U2AF2: variants seen among roughly 807,000 people sequenced by gnomAD.
U2AF2 encodes the protein U2 small nuclear RNA auxiliary factor 2.
Under a neutral mutation model 52.6 loss-of-function variants are expected in U2AF2, and 6 were observed. The observed-to-expected ratio is 0.11, with a 90% CI of 0.06 to 0.23. The LOEUF is 0.23. U2AF2 is among the 10% of genes least tolerant of loss of function. U2AF2 has a pLI of 1.00. For synonymous variants in U2AF2, 284 were observed against 258.2 expected (o/e 1.10, Z -0.96); for missense variants, 222 against 677.1 (o/e 0.33, Z 7.46).
At chr19:55,655,778 G>A (rs1165712027) in intron 1 of U2AF2, among the ~76,000 whole-genome samples, 2 of 152,198 alleles carry the variant, frequency 1.3e-5, no homozygotes, top group Admixed American at 1.3e-4. Context: ...TTGGTAGTGG[G>A]GCGCCTCATA....
At chr19:55,672,334 C>T (rs1049760616) in intron 11 of U2AF2, among the ~76,000 whole-genome samples, 5 of 152,056 alleles carry the variant, frequency 3.3e-5, no homozygotes, top group Non-Finnish European at 7.4e-5. Context: ...GCTTATTTCT[C>T]CCCCCTCCTT....
In U2AF2 at chr19:55,659,029, C is replaced by T. The variant is rs893351578; in HGVS notation, c.50-181C>T. 5 of 1,005,636 alleles carry T rather than the reference C, an allele frequency of 5.0e-6. No individual in the cohort carries two copies. The African/African-American group carries it at 6.7e-5, about 14-fold the overall frequency. The allele number at this position is 1,005,636 out of a possible 1,614,324, so 62.3% of individuals were successfully genotyped here. A position where few individuals can be genotyped will look rare whatever the true frequency, so the allele number is the denominator to read the frequency against. ...TTCCAGGCCCCGTCCCCCTGGTCCC[C>T]TCATGGTCCCTGGACTCGCTTGTGG... On this transcript the variant is annotated intron_variant, in intron 1 of 11. Transcript: ENST00000308924.
Position 55,659,257 on chromosome 19 carries a change from C to T in U2AF2, c.97C>T (p.Arg33Trp), listed in dbSNP as rs1463818824. 2 of 1,603,322 alleles carry T rather than the reference C, an allele frequency of 1.2e-6. No homozygotes were observed. Among genetic ancestry groups the T allele is most frequent in the South Asian group, 1.1e-5 (1 of 90,186 alleles). ...RHRKRSHSRS[R>W]SRDRKRRSRS... is the part of the protein sequence containing the mutation. ...TCGGAAGCGCAGCCACAGCCGCTCT[C>T]GGAGCCGGGACCGCAAACGCCGGAG... Residue 33 changes from arginine to tryptophan, a missense_variant, in exon 2 of 12, where the codon CGG becomes TGG. Around this residue, in one of 4 missense-constraint regions of U2AF2, gnomAD observed 100 missense variants for 144.1 expected, o/e 0.69. Coordinates refer to ENST00000308924, the MANE Select transcript of U2AF2 (RefSeq NM_007279.3).
Position 55,663,771 on chromosome 19 carries a change from C to CT in U2AF2, c.742+30dup, listed in dbSNP as rs1568551707. 1.9e-6 allele frequency: 3 copies of CT among 1,613,446 alleles called. No individual in the cohort carries two copies. The South Asian group carries it at 3.3e-5, about 18-fold the overall frequency. ...TGAGTGGGGGATCCATTAAGGGCCC[C>CT]TTTCTCCCCCAGTCCTGTTCCCATG... On this transcript the variant is annotated intron_variant, in intron 7 of 11. Coordinates refer to ENST00000308924, the MANE Select transcript of U2AF2 (RefSeq NM_007279.3).
intron 11 of U2AF2, among the ~76,000 whole-genome samples, chr19:55,670,449 C>CCTGTGCACCCTGCTGT (rs1568555210): frequency 8.8e-5 from 1 of 11,368 alleles, no homozygotes. Context: ...ACCCTGCTGT[C>CCTGTGCACCCTGCTGT]CCGTGCACCC....
intron 1 of U2AF2, among the ~76,000 whole-genome samples, chr19:55,655,556 C>G (rs1983733259): frequency 6.6e-6 from 1 of 152,276 alleles, no homozygotes; most frequent in African/African-American, 2.4e-5. Context: ...ACTTCCGCTT[C>G]CGGTCGGGCC....
intron 7 of U2AF2, among the ~76,000 whole-genome samples, chr19:55,665,281 C>T (rs921421595): frequency 3.3e-5 from 5 of 151,608 alleles, no homozygotes; most frequent in African/African-American, 7.3e-5. Context: ...GGCAGTTCTA[C>T]GACACAGGGA....
intron 6 of U2AF2, 59 bp from the exon 7 acceptor site, chr19:55,663,547 C>G: frequency 6.4e-7 from 1 of 1,569,174 alleles, no homozygotes; most frequent in Non-Finnish European, 8.7e-7. Flanking sequence ...TCCTGGAACA[C>G]TAGGGGCTGT....
In U2AF2 at chr19:55,668,837, C is replaced by A; in HGVS notation, c.945+45C>A. Reference sequence around the variant, plus strand: ...CCGCTGCCGCGTCTGTCCTTCCCTGCCCTGCGCTGTTGCCAAGCCATGGTC... The same window carrying A: ...CCGCTGCCGCGTCTGTCCTTCCCTGACCTGCGCTGTTGCCAAGCCATGGTC... On this transcript the variant is annotated intron_variant, in intron 9 of 11. Transcript: ENST00000308924. This position sits in a 1 kb window ranked among gnomAD's most constrained non-coding sequence, Gnocchi z 5.5. The A allele has an allele frequency of 6.3e-7, 1 of 1,583,914 alleles. No homozygotes were observed. The highest frequency in any genetic ancestry group is 1.1e-5 in the South Asian group (1 of 88,840).
At chr19:55,660,057 G>A in intron 2 of U2AF2, 120 bp from the exon 3 acceptor site, 1 of 836,412 alleles carries the variant, frequency 1.2e-6, no homozygotes, top group Non-Finnish European at 1.8e-6. Flanking sequence ...CCTGCTTGCT[G>A]CTTGTTGACC....
intron 1 of U2AF2, among the ~76,000 whole-genome samples, chr19:55,656,565 A>G (rs1043388878): frequency 1.3e-5 from 2 of 152,222 alleles, no homozygotes; most frequent in Non-Finnish European, 2.9e-5. Flanking sequence ...AAAGGATGAT[A>G]GTAACGATAG....
At position 55,663,725 on chromosome 19, in the gene U2AF2, C is replaced by T. The variant is rs781003609; in HGVS notation, c.723C>T (p.Asn241=). The part of the protein sequence containing the change: ...DYQPLPGMSE[N]PSVYVPGVVS... Reference sequence around the variant, plus strand: ...AGCCGCTTCCTGGCATGTCAGAGAACCCCTCCGTCTATGTGCCTGGTGAGT... The same window carrying T: ...AGCCGCTTCCTGGCATGTCAGAGAATCCCTCCGTCTATGTGCCTGGTGAGT... The change falls in exon 7 of 12, where the codon AAC becomes AAT. Residue 241 remains asparagine (N), a synonymous_variant. Coordinates refer to ENST00000308924, the MANE Select transcript of U2AF2 (RefSeq NM_007279.3). 25 of 1,614,166 alleles carry T rather than the reference C, an allele frequency of 1.5e-5. No homozygotes were observed. The highest frequency in any genetic ancestry group is 1.2e-4 in the South Asian group (11 of 91,086).
rs879204436 is a variant in U2AF2 at position 55,660,710 on chromosome 19, G to T, written c.334+91G>T. 18 of 1,272,032 alleles carry T rather than the reference G, an allele frequency of 1.4e-5. No individual in the cohort carries two copies. In the East Asian group the frequency reaches 3.5e-4, roughly 25 times the overall value. 78.8% of individuals were successfully genotyped at this position (1,272,032 alleles called of 1,614,324 possible). ...TTCCCCTGCGTGTGTGCTTGGAGGG[G>T]GTCAAAGACACAGGTAGAGGGTTGC... On this transcript the variant is annotated intron_variant, in intron 4 of 11. Transcript: ENST00000308924.
At chr19:55,662,095 G>T in intron 5 of U2AF2, 1 of 168,202 alleles carries the variant, frequency 5.9e-6, no homozygotes, top group Admixed American at 6.0e-5. Flanking sequence ...CCACTTTTCT[G>T]TCTGTCTCCA....
chr19:55,660,129 G>A (rs758474529), intron 2 of U2AF2, 48 bp from the exon 3 acceptor site: 13 of 1,573,702 alleles, frequency 8.3e-6, no homozygotes, highest in South Asian at 2.3e-5. Context: ...TGGGGAAGAC[G>A]AGGGTCCCCA....
chr19:55,669,746 G>A (rs528636931), intron 11 of U2AF2, 54 bp downstream of exon 11: 15 of 1,520,036 alleles, frequency 9.9e-6, no homozygotes, highest in South Asian at 7.6e-5. Flanking sequence ...CCTCTTCTCC[G>A]CGCCCTCTTT....
chr19:55,660,510 C>G lies in U2AF2; in HGVS notation c.231-6C>G. 1 of 1,464,378 alleles carries G rather than the reference C, an allele frequency of 6.8e-7. No individual in the cohort carries two copies. The highest frequency in any genetic ancestry group is 9.5e-7 in the Non-Finnish European group (1 of 1,057,108). The allele number at this position is 1,464,378 out of a possible 1,614,324, so 90.7% of individuals were successfully genotyped here. ...CTGCCCCGCTCTCCCCTCCCACCTC[C>G]CCCAGTCGTTCCCCCCGCCACGAGA... On this transcript the variant is annotated splice_polypyrimidine_tract_variant and splice_region_variant and intron_variant, in intron 3 of 11. Coordinates refer to ENST00000308924, the MANE Select transcript of U2AF2 (RefSeq NM_007279.3).
At chr19:55,665,161 T>C (rs1339511204) in intron 7 of U2AF2, among the ~76,000 whole-genome samples, 1 of 152,238 alleles carries the variant, frequency 6.6e-6, no homozygotes, top group Non-Finnish European at 1.5e-5. Flanking sequence ...TCCCCACGTC[T>C]CTTCCTGGTG....
At chr19:55,672,452 T>G (rs1247571187) in intron 11 of U2AF2, among the ~76,000 whole-genome samples, 4 of 152,184 alleles carry the variant, frequency 2.6e-5, no homozygotes, top group Non-Finnish European at 5.9e-5. Context: ...AACTTCTCTG[T>G]GGGGGCCTTT....
Sources: gnomAD v4.1 joint callset for allele counts (sites outside exome capture counted in the v4.1 genomes callset) on GRCh38, gnomAD v4.1.1 for gene constraint, gnomAD v4.1.1 regional missense constraint, Gnocchi (gnomAD v3.1) non-coding constraint, MANE v1.5 for transcripts, NCBI Gene and HGNC (gene_info 2026-07-23, HGNC 2026-07-21) for gene names.